CES1: variants seen among roughly 807,000 people sequenced by gnomAD.
CES1 encodes the protein liver carboxylesterase 1.
In CES1, 50 loss-of-function variants were observed where a neutral mutation model predicts 53.0. The observed-to-expected ratio is 0.94, with a 90% confidence interval of 0.75 to 1.19. The LOEUF is 1.19. Ranked by LOEUF, CES1 falls within the 50% of genes most tolerant of loss-of-function variation. The pLI is 0.00. For missense variants in CES1, 534 were observed against 538.0 expected (o/e 0.99, Z 0.07); for synonymous variants, 202 against 210.1 (o/e 0.96, Z 0.33).
At chr16:55,812,825 G>A (rs1165988740) in intron 9 of CES1, 78 bp downstream of exon 9, 1 of 1,591,564 alleles carries the variant, frequency 6.3e-7, no homozygotes, top group Non-Finnish European at 8.6e-7. Flanking sequence ...AGCTCGGAGA[G>A]GGAAGCATTC....
At chr16:55,827,225 T>C (rs1360619275) in intron 2 of CES1, among the ~76,000 whole-genome samples, 2 of 151,680 alleles carry the variant, frequency 1.3e-5, no homozygotes, top group Non-Finnish European at 2.9e-5. Context: ...AGATGACTTC[T>C]TGATTCCATC....
chr16:55,831,769 T>G (rs2032686435), intron 1 of CES1, among the ~76,000 whole-genome samples: 1 of 151,640 alleles, frequency 6.6e-6, no homozygotes, highest in African/African-American at 2.4e-5. Context: ...GAAGACAGGA[T>G]GCAGACGGGG....
At chr16:55,830,819 A>AGGCAGGC (rs1555514162) in intron 1 of CES1, among the ~76,000 whole-genome samples, 69 of 127,324 alleles carry the variant, frequency 5.4e-4, no homozygotes, top group Admixed American at 2.7e-3. Flanking sequence ...GGAAGGAAGG[A>AGGCAGGC]AGGCAGGCAG....
At chr16:55,826,619 G>A (rs1597088607) in intron 2 of CES1, among the ~76,000 whole-genome samples, 1 of 152,186 alleles carries the variant, frequency 6.6e-6, no homozygotes, top group African/African-American at 2.4e-5. Flanking sequence ...TAGCTCAGGG[G>A]TGATATCTTT....
At position 55,812,928 on chromosome 16, in the gene CES1, T is replaced by A. The variant is rs542507079; in HGVS notation, c.1061A>T (p.Gln354Leu). The change falls in exon 9 of 14, where the codon CAG becomes CTG. Residue 354 changes from glutamine (Q) to leucine (L), a missense_variant. Gln to Leu is a moderately radical substitution (Grantham distance 113). Around this residue, in one of 5 missense-constraint regions of CES1, gnomAD observed 269 missense variants for 206.6 expected, o/e 1.30. Transcript: ENST00000360526. ...TVPYMVGINK[Q>L]EFGWLIPMQL... ...CATTGGAATCAACCAGCCAAACTCC[T>A]GCTTGTTAATTCCGACCATGTAGGG... 6.2e-7 allele frequency: 1 copy of A among 1,614,194 alleles called. No individual in the cohort carries two copies. The highest frequency in any genetic ancestry group is 1.3e-5 in the African/African-American group (1 of 75,048).
chr16:55,824,787 G>C (rs2032352665), intron 3 of CES1, among the ~76,000 whole-genome samples: 1 of 152,222 alleles, frequency 6.6e-6, no homozygotes, highest in Non-Finnish European at 1.5e-5. Context: ...TTCCCATTTT[G>C]AGGAAACAGA....
rs2032127271 is a variant in CES1 at position 55,820,449 on chromosome 16, G to A, written c.724C>T (p.His242Tyr). The A allele has an allele frequency of 6.3e-7, 1 of 1,595,232 alleles. No individual in the cohort carries two copies. Among genetic ancestry groups the A allele is most frequent in the Admixed American group, 1.7e-5 (1 of 57,844 alleles). Residue 242 changes from histidine (H) to tyrosine (Y), a missense_variant, in exon 6 of 14, where the codon CAC becomes TAC. Coordinates refer to ENST00000360526, the MANE Select transcript of CES1 (RefSeq NM_001025195.2). ...ACGCCACTCTCAGAAATGGCCCGGT[G>A]GAAGAGGTTCTTGGCCAATGGAGAC... is the stretch of plus-strand genomic sequence containing the variant. ...VLSPLAKNLFHRAISESGVAL... is the reference protein window; with the variant it reads ...VLSPLAKNLFYRAISESGVAL...
chr16:55,825,067 G>A (rs2032362814), intron 3 of CES1, among the ~76,000 whole-genome samples: 1 of 152,238 alleles, frequency 6.6e-6, no homozygotes, highest in Admixed American at 6.5e-5. Context: ...CTACAGCCCA[G>A]AAGGCAAGAT....
chr16:55,831,528 T>TG (rs201012250), intron 1 of CES1, among the ~76,000 whole-genome samples: 25,752 of 142,316 alleles, frequency 0.18, 701 homozygotes, highest in African/African-American at 0.3. Flanking sequence ...CATTCCAGTT[T>TG]TTTAAATTAA....
intron 8 of CES1, among the ~76,000 whole-genome samples, chr16:55,816,462 G>A (rs1193368547): frequency 1.3e-5 from 2 of 152,354 alleles, no homozygotes; most frequent in East Asian, 1.9e-4. Flanking sequence ...GGAGGTGGGG[G>A]TGGGAGTGGG....
chr16:55,822,980 T>TG (rs200237343), intron 4 of CES1, among the ~76,000 whole-genome samples: 9 of 151,998 alleles, frequency 5.9e-5, no homozygotes, highest in African/African-American at 1.9e-4. Flanking sequence ...GGAGACCTGA[T>TG]GGGAAGACTC....
chr16:55,831,051 A>G (rs1245883730), intron 1 of CES1, among the ~76,000 whole-genome samples: 4 of 152,194 alleles, frequency 2.6e-5, no homozygotes, highest in Non-Finnish European at 5.9e-5. Flanking sequence ...CAAAGCTGGA[A>G]GGAAGCCTGG....
At chr16:55,809,898 T>A (rs1324942448) in intron 11 of CES1, among the ~76,000 whole-genome samples, 1 of 152,218 alleles carries the variant, frequency 6.6e-6, no homozygotes, top group Admixed American at 6.5e-5. Flanking sequence ...ACTCCAGGCA[T>A]GGAGCCCTTG....
rs551795135 is a variant in CES1 at position 55,810,860 on chromosome 16, T to C, written c.1170+67A>G. On this transcript the variant is annotated intron_variant, in intron 10 of 13. Coordinates refer to ENST00000360526, the MANE Select transcript of CES1 (RefSeq NM_001025195.2). ...TCTTCATTCTGCCATTTAATTGCTCTATGATTTGGGCAAGTCCTTGTCCCT... is the reference window on the plus strand; with the variant it reads ...TCTTCATTCTGCCATTTAATTGCTCCATGATTTGGGCAAGTCCTTGTCCCT... The C allele has an allele frequency of 2.5e-5, 37 of 1,480,440 alleles. No individual in the cohort carries two copies. The South Asian group carries it at 3.5e-4, about 14-fold the overall frequency. 91.7% of individuals were successfully genotyped at this position (1,480,440 alleles called of 1,614,324 possible). A position where few individuals can be genotyped will look rare whatever the true frequency, so the allele number is the denominator to read the frequency against.
At chr16:55,832,845 C>T (rs573593694) in intron 1 of CES1, among the ~76,000 whole-genome samples, 159 bp downstream of exon 1, 6 of 152,356 alleles carry the variant, frequency 3.9e-5, no homozygotes, top group African/African-American at 7.2e-5. Flanking sequence ...CCAGGCTGGC[C>T]GGGCTCAGCT....
rs562702882 is a variant in CES1 at position 55,809,839 on chromosome 16, C to T, written c.1318+678G>A. ...TGGCTCAGACCTTAAAACCCTTCCA[C>T]GACTCATCTTTCAATATTTGTCCTA... On this transcript the variant is annotated intron_variant, in intron 11 of 13. Transcript: ENST00000360526. 3.5e-4 allele frequency among the ~76,000 whole-genome samples: 53 copies of T among 152,308 alleles called. 1 individual carries two copies. The highest frequency in any genetic ancestry group is 1.0e-3 in the South Asian group (5 of 4,830).
At chr16:55,829,827 C>T (rs1469299906) in intron 1 of CES1, among the ~76,000 whole-genome samples, 1 of 152,250 alleles carries the variant, frequency 6.6e-6, no homozygotes, top group Non-Finnish European at 1.5e-5. Flanking sequence ...AGGTCTGCTC[C>T]ATTCTTGCAG....
chr16:55,811,275 T>TGC (rs199720037), intron 9 of CES1, among the ~76,000 whole-genome samples: 7,270 of 151,286 alleles, frequency 0.048, 194 homozygotes, highest in Middle Eastern at 0.12. Flanking sequence ...TGTGTGTGTG[T>TGC]GCGCGCGTGT....
In CES1 at chr16:55,811,935, G is replaced by A. The variant is rs532991457; in HGVS notation, c.1087-925C>T. Among the ~76,000 whole-genome samples the A allele has an allele frequency of 2.3e-4, 35 of 152,296 alleles. 1 individual carries two copies. The highest frequency in any genetic ancestry group is 1.2e-3 in the East Asian group (6 of 5,184). On this transcript the variant is annotated intron_variant, in intron 9 of 13. Transcript: ENST00000360526. ...CTAATGCATGGCTTCCTGTCCTAAAGATAAGAGGAGTTTGTTTCTGCCCCA... is the reference window on the plus strand; with the variant it reads ...CTAATGCATGGCTTCCTGTCCTAAAAATAAGAGGAGTTTGTTTCTGCCCCA...
Sources: allele counts gnomAD v4.1 joint callset (sites outside exome capture counted in the v4.1 genomes callset), GRCh38; gene constraint gnomAD v4.1.1; regional missense constraint gnomAD v4.1.1; transcripts MANE v1.5; gene names NCBI Gene and HGNC (gene_info 2026-07-23, HGNC 2026-07-21).